The following JAK1 variants were observed in gnomAD, a reference collection of about 807,000 sequenced individuals.
The protein encoded by JAK1 is tyrosine-protein kinase JAK1.
In JAK1, 16 loss-of-function variants were observed where a neutral mutation model predicts 136.6. The observed-to-expected ratio is 0.12, with a 90% confidence interval of 0.08 to 0.18. JAK1 has a LOEUF of 0.18. Among genes scored for constraint, JAK1 ranks in the 10% least tolerant of loss-of-function variants. JAK1 has a pLI of 1.00. For synonymous variants in JAK1, 492 were observed against 519.5 expected, an observed-to-expected ratio of 0.95 and a Z score of 0.72; for missense variants, 859 against 1,450.1, an observed-to-expected ratio of 0.59 and a Z score of 6.62.
At chr1:65,045,878 C>A (rs1347303649) in intron 1 of JAK1, among the ~76,000 whole-genome samples, 1 of 152,160 alleles carries the variant, frequency 6.6e-6, no homozygotes, top group African/African-American at 2.4e-5. Context: ...TGGAGTCAGA[C>A]AAACATAGCT....
At chr1:64,850,606 A>G (rs1356974387) in intron 12 of JAK1, among the ~76,000 whole-genome samples, 198 bp downstream of exon 12, 2 of 152,240 alleles carry the variant, frequency 1.3e-5, no homozygotes, top group Admixed American at 6.5e-5. Flanking sequence ...ACCTCAAAAC[A>G]TGTCTCTGAG....
intron 1 of JAK1, among the ~76,000 whole-genome samples, chr1:64,917,913 T>G (rs1645427173): frequency 6.6e-6 from 1 of 152,222 alleles, no homozygotes; most frequent in Non-Finnish European, 1.5e-5. Flanking sequence ...AAAGGGTCCC[T>G]GCAACCTCTC....
At chr1:64,863,539 T>TA (rs35358275) in intron 8 of JAK1, among the ~76,000 whole-genome samples, 10 of 150,170 alleles carry the variant, frequency 6.7e-5, no homozygotes, top group East Asian at 2.0e-4. Flanking sequence ...GTTTTTTGTT[T>TA]AAAAAAAAAG....
Position 64,839,737 on chromosome 1 carries a change from T to C in JAK1, c.2708A>G (p.Glu903Gly). 2 of 1,614,228 alleles carry C rather than the reference T, an allele frequency of 1.2e-6. No individual in the cohort carries two copies. The highest frequency in any genetic ancestry group is 1.7e-6 in the Non-Finnish European group (2 of 1,180,036). The change falls in exon 20 of 25, where the codon GAG (glutamate) becomes GGG (glycine). Residue 903 changes from glutamate to glycine, a missense_variant. Physicochemically the swap from Glu to Gly is moderately conservative, Grantham distance 98 (BLOSUM62 -2). This residue lies in a region of JAK1 where 409 missense variants were observed against 753.8 expected (regional missense o/e 0.54). Transcript: ENST00000342505. Reference protein sequence around the residue: ...RYDPEGDNTGEQVAVKSLKPE... With the variant: ...RYDPEGDNTGGQVAVKSLKPE... ...CTTCAGAGATTTAACAGCCACCTGC[T>C]CCCCTGTATTGTCCCCTTCGGGGTC...
intron 1 of JAK1, among the ~76,000 whole-genome samples, chr1:64,897,490 GGGGGGAGGAGGA>G (rs1196653816): frequency 1.2e-3 from 1 of 834 alleles, no homozygotes; most frequent in Non-Finnish European, 6.1e-3. Flanking sequence ...GGAGGGGGAG[GGGGGGAGGAGGA>G]GGGGGGAGGG....
At chr1:64,976,629 C>T (rs1043979097) in intron 2 of JAK1, among the ~76,000 whole-genome samples, 4 of 152,188 alleles carry the variant, frequency 2.6e-5, no homozygotes, top group South Asian at 4.1e-4. Flanking sequence ...TTCTTAGTGA[C>T]GCCAATGTCT....
intron 1 of JAK1, among the ~76,000 whole-genome samples, chr1:64,938,895 G>C (rs1165947790): frequency 6.6e-6 from 1 of 152,032 alleles, no homozygotes; most frequent in Non-Finnish European, 1.5e-5. Flanking sequence ...TCCTCCCCTG[G>C]CATTCTTAAT....
chr1:64,868,029 T>TGA (rs973851660), intron 6 of JAK1, among the ~76,000 whole-genome samples: 14 of 128,334 alleles, frequency 1.1e-4, no homozygotes, highest in Non-Finnish European at 1.5e-4. Flanking sequence ...AGAGAGAGAG[T>TGA]GAGAGAGAGA....
intron 4 of JAK1, among the ~76,000 whole-genome samples, chr1:64,874,488 T>C (rs576935846): frequency 4.4e-4 from 67 of 152,144 alleles, no homozygotes; most frequent in Non-Finnish European, 8.8e-4. Flanking sequence ...TTATTAGCTA[T>C]GTTTTGGAGG....
chr1:64,939,968 A>T (rs1044911702), intron 1 of JAK1, among the ~76,000 whole-genome samples: 25 of 152,226 alleles, frequency 1.6e-4, no homozygotes, highest in Non-Finnish European at 2.6e-4. Context: ...TGAGTTCCCC[A>T]AAGTAAATGC....
At chr1:64,979,099 A>G (rs992269330) in intron 2 of JAK1, among the ~76,000 whole-genome samples, 2 of 152,244 alleles carry the variant, frequency 1.3e-5, no homozygotes, top group Non-Finnish European at 2.9e-5. Context: ...AATAAATTGT[A>G]GCTGAACAAG....
chr1:64,970,943 A>G (rs772540434), upstream of JAK1, among the ~76,000 whole-genome samples: 4 of 152,222 alleles, frequency 2.6e-5, no homozygotes, highest in Non-Finnish European at 5.9e-5. Flanking sequence ...CCACCCAACC[A>G]TCAATCATAC....
At chr1:64,908,083 AACAG>A (rs761546893) in intron 1 of JAK1, among the ~76,000 whole-genome samples, 6 of 152,234 alleles carry the variant, frequency 3.9e-5, no homozygotes, top group Non-Finnish European at 8.8e-5. Context: ...TGACCTCCTT[AACAG>A]ACAGAACATT....
intron 13 of JAK1, 61 bp from the exon 14 acceptor site, chr1:64,846,797 G>A (rs2101010615): frequency 7.4e-7 from 1 of 1,351,878 alleles, no homozygotes; most frequent in South Asian, 1.2e-5. Flanking sequence ...GCTCCCCAGG[G>A]GCTCTGTTGA....
At chr1:65,001,533 G>A (rs1646756304) in intron 2 of JAK1, among the ~76,000 whole-genome samples, 1 of 152,134 alleles carries the variant, frequency 6.6e-6, no homozygotes, top group Non-Finnish European at 1.5e-5. Flanking sequence ...AGGAAAAGAG[G>A]GGGTGCATGT....
At position 64,860,161 on chromosome 1, in the gene JAK1, G is replaced by A. The variant is rs778443960; in HGVS notation, c.1278C>T (p.Asp426=). 4.9e-5 allele frequency: 78 copies of A among 1,606,622 alleles called. No homozygotes were observed. The highest frequency in any genetic ancestry group is 6.0e-5 in the Non-Finnish European group (70 of 1,174,744). The change falls in exon 9 of 25, where the codon GAC becomes GAT. Residue 426 remains aspartate (D), a synonymous_variant. Transcript: ENST00000342505. ...TADAHHYLCT[D]VAPPLIVHNI... is the part of the protein sequence containing the mutation. ...TGTGGACGATCAACGGGGGGGCCAC[G>A]TCGGTGCAGAGGTAATGATGGGCAT...
At chr1:65,004,441 A>G (rs1646787833) in intron 2 of JAK1, among the ~76,000 whole-genome samples, 1 of 152,210 alleles carries the variant, frequency 6.6e-6, no homozygotes, top group African/African-American at 2.4e-5. Flanking sequence ...GGGTTGATCT[A>G]AGATTGTCAG....
chr1:64,874,820 A>T (rs149830536), intron 4 of JAK1, among the ~76,000 whole-genome samples: 29 of 152,326 alleles, frequency 1.9e-4, no homozygotes, highest in African/African-American at 6.7e-4. Context: ...CTATGTTTGC[A>T]GAGCCTAAGA....
Position 64,864,882 on chromosome 1 carries a change from C to T in JAK1, c.1081G>A (p.Glu361Lys), listed in dbSNP as rs2101102489. 6.2e-7 allele frequency: 1 copy of T among 1,613,878 alleles called. No homozygotes were observed. Among genetic ancestry groups the T allele is most frequent in the Non-Finnish European group, 8.5e-7 (1 of 1,179,774 alleles). Residue 361 changes from glutamate (E) to lysine (K), a missense_variant, in exon 8 of 25, where the codon GAA becomes AAA. Transcript: ENST00000342505. ...KKDEEKNKIR[E>K]EWNNFSYFPE... The stretch of plus-strand genomic sequence containing the variant: ...AAGTAAGAAAAATTGTTCCACTCTT[C>T]CCGGATCTTGTTTTTCTCCTCATCC...
Sources: gnomAD v4.1 joint callset for allele counts (sites outside exome capture counted in the v4.1 genomes callset) on GRCh38, gnomAD v4.1.1 for gene constraint, gnomAD v4.1.1 regional missense constraint, MANE v1.5 for transcripts, NCBI Gene and HGNC (gene_info 2026-07-23, HGNC 2026-07-21) for gene names.